EYA2: variants seen among roughly 807,000 people sequenced by gnomAD.
EYA2 encodes the protein EYA transcriptional coactivator and phosphatase 2.
EYA2 carries 31 observed loss-of-function variants against 69.2 expected under a neutral mutation model. The observed-to-expected ratio is 0.45, with a 90% CI of 0.34 to 0.60. The LOEUF (loss-of-function observed/expected upper bound fraction) is 0.60. EYA2 is among the 20% of genes least tolerant of loss of function. The pLI is 0.02. For missense variants in EYA2, 622 were observed against 701.2 expected (o/e 0.89, Z 1.28); for synonymous variants, 257 against 279.4 (o/e 0.92, Z 0.80).
At chr20:47,073,880 C>T (rs899959796) in intron 6 of EYA2, among the ~76,000 whole-genome samples, 5 of 152,078 alleles carry the variant, frequency 3.3e-5, no homozygotes, top group African/African-American at 9.7e-5. Flanking sequence ...TCATAGGGCT[C>T]ATCTCTGGTC....
rs936975437 is a variant in EYA2, at chr20:47,047,396, C to T, written c.416-24789C>T. ...TGCTTTATTTTTTGTCTCTCTCTCT[C>T]TTTTTTTTGAGACAAAGTCTCACTC... On this transcript the variant is annotated intron_variant, in intron 5 of 15. Coordinates refer to ENST00000327619, the MANE Select transcript of EYA2 (RefSeq NM_005244.5). Among the ~76,000 whole-genome samples, 974 of 148,126 alleles carry T rather than the reference C, an allele frequency of 6.6e-3. 10 individuals are homozygous for T. Among genetic ancestry groups the T allele is most frequent in the African/African-American group, 0.023 (924 of 39,884 alleles).
At chr20:47,160,607 C>T (rs890484111) in intron 10 of EYA2, among the ~76,000 whole-genome samples, 2 of 151,996 alleles carry the variant, frequency 1.3e-5, no homozygotes, top group Admixed American at 6.6e-5. Context: ...AGAGAGGAGA[C>T]GGGGATAACT....
At chr20:47,049,124 A>G (rs1248828403) in intron 5 of EYA2, among the ~76,000 whole-genome samples, 1 of 152,198 alleles carries the variant, frequency 6.6e-6, no homozygotes, top group Non-Finnish European at 1.5e-5. Flanking sequence ...GTCAGTCCCT[A>G]TTCTGTTTCT....
At chr20:47,109,276 CTTAAG>C (rs141106824) in intron 9 of EYA2, among the ~76,000 whole-genome samples, 3,051 of 152,236 alleles carry the variant, frequency 0.02, 47 homozygotes, top group Non-Finnish European at 0.034. Flanking sequence ...TTATTATTTT[CTTAAG>C]TTAAGCCTCA....
At chr20:47,090,501 A>G (rs911364448) in intron 8 of EYA2, among the ~76,000 whole-genome samples, 8 of 151,814 alleles carry the variant, frequency 5.3e-5, no homozygotes, top group Non-Finnish European at 7.4e-5. Context: ...TGGCCTCCCA[A>G]AGTGCTGAGA....
intron 5 of EYA2, among the ~76,000 whole-genome samples, chr20:47,064,775 C>T (rs2031046046): frequency 1.3e-5 from 2 of 152,304 alleles, no homozygotes; most frequent in African/African-American, 4.8e-5. Context: ...AACTGAAGGA[C>T]AATGCCCACC....
chr20:47,029,031 A>G (rs1984254199), intron 5 of EYA2, among the ~76,000 whole-genome samples: 2 of 152,232 alleles, frequency 1.3e-5, no homozygotes, highest in Non-Finnish European at 2.9e-5. Context: ...AATAAAACTT[A>G]CTGTGCAAGC....
At chr20:47,124,027 C>T (rs182996873) in intron 9 of EYA2, among the ~76,000 whole-genome samples, 174 of 151,834 alleles carry the variant, frequency 1.1e-3, no homozygotes, top group African/African-American at 4.0e-3. Flanking sequence ...TGAACCAGTC[C>T]AAGGAGAGTG....
intron 10 of EYA2, chr20:47,166,822 A>C (rs1254139240): frequency 1.3e-5 from 2 of 152,230 alleles, no homozygotes; most frequent in African/African-American, 4.8e-5. Flanking sequence ...CATGAGGGTC[A>C]TGCCCCTCAC....
intron 10 of EYA2, chr20:47,161,467 C>T: frequency 2.2e-6 from 1 of 447,358 alleles, no homozygotes; most frequent in Admixed American, 2.7e-5. Flanking sequence ...TCTTTGATGG[C>T]CAGGAAGAAG....
At chr20:46,932,006 G>A (rs555055687) in intron 1 of EYA2, among the ~76,000 whole-genome samples, 7 of 150,818 alleles carry the variant, frequency 4.6e-5, no homozygotes, top group East Asian at 1.9e-4. Flanking sequence ...GTGCCAGCCC[G>A]GCAGCCAGAA....
intron 1 of EYA2, among the ~76,000 whole-genome samples, chr20:46,980,345 A>G (rs1980750805): frequency 1.3e-5 from 2 of 152,222 alleles, no homozygotes; most frequent in South Asian, 2.1e-4. Flanking sequence ...TAAGACCTTT[A>G]GCAGCCTCAA....
In EYA2 at chr20:47,163,036, C is replaced by CA. The variant is rs1555833357; in HGVS notation, c.979-6103_979-6102insA. 8.9e-5 allele frequency among the ~76,000 whole-genome samples: 13 copies of CA among 146,536 alleles called. 1 individual carries two copies. In the South Asian group the frequency reaches 2.8e-3, roughly 32 times the overall value. ...ATGGCATCATACTGGGTGTATCACT[C>CA]TTTTTTTTTTTTAAACAGAGTCTTG... On this transcript the variant is annotated intron_variant, in intron 10 of 15. Coordinates refer to ENST00000327619, the MANE Select transcript of EYA2 (RefSeq NM_005244.5).
chr20:47,080,226 T>C (rs2031662022), intron 7 of EYA2, among the ~76,000 whole-genome samples: 1 of 151,838 alleles, frequency 6.6e-6, no homozygotes. Flanking sequence ...CTCAATAATA[T>C]ACATTTCAGT....
chr20:47,185,709 G>A (rs144745740), intron 15 of EYA2, among the ~76,000 whole-genome samples: 2 of 152,310 alleles, frequency 1.3e-5, no homozygotes, highest in East Asian at 3.9e-4. Context: ...GAATGCTAGG[G>A]CAGTGAGAAG....
At chr20:47,176,759 A>G (rs2034433958) in intron 12 of EYA2, among the ~76,000 whole-genome samples, 1 of 151,882 alleles carries the variant, frequency 6.6e-6, no homozygotes, top group African/African-American at 2.4e-5. Context: ...CAAGTACTCT[A>G]CAGTGTTATG....
intron 5 of EYA2, among the ~76,000 whole-genome samples, chr20:47,064,198 C>A (rs1370679991): frequency 1.3e-5 from 2 of 152,208 alleles, no homozygotes; most frequent in East Asian, 3.8e-4. Flanking sequence ...CTCAAGTGAT[C>A]CACCCTCCTC....
chr20:47,048,159 G>A (rs765787744), intron 5 of EYA2, among the ~76,000 whole-genome samples: 2 of 152,088 alleles, frequency 1.3e-5, no homozygotes, highest in Non-Finnish European at 2.9e-5. Context: ...CCATTATTCC[G>A]CCTACCACAG....
chr20:47,177,012 G>A (rs1345079325), intron 12 of EYA2, among the ~76,000 whole-genome samples: 2 of 152,160 alleles, frequency 1.3e-5, no homozygotes, highest in African/African-American at 4.8e-5. Context: ...TGGCCAGGCT[G>A]ATCTCGAACT....
Sources: allele counts gnomAD v4.1 joint callset (sites outside exome capture counted in the v4.1 genomes callset), GRCh38; gene constraint gnomAD v4.1.1; transcripts MANE v1.5; gene names NCBI Gene and HGNC (gene_info 2026-07-23, HGNC 2026-07-21).